KCNMB2: variants seen among roughly 807,000 people sequenced by gnomAD.
The protein encoded by KCNMB2 is potassium calcium-activated channel subfamily M regulatory beta subunit 2, also known as calcium-activated potassium channel subunit beta-2.
Under a neutral mutation model 24.5 loss-of-function variants are expected in KCNMB2, and 9 were observed. The observed-to-expected ratio is 0.37, with a 90% confidence interval of 0.22 to 0.64. KCNMB2 has a LOEUF of 0.64. Ranked by LOEUF, KCNMB2 falls within the 30% of genes least tolerant of loss-of-function variation. KCNMB2 has a pLI of 0.63. For synonymous variants in KCNMB2, 109 were observed against 104.4 expected (o/e 1.04, Z -0.27); for missense variants, 226 against 284.3 (o/e 0.79, Z 1.47).
chr3:178,550,376 T>C (rs1338291429), intron 1 of KCNMB2, among the ~76,000 whole-genome samples: 2 of 138,108 alleles, frequency 1.4e-5, no homozygotes, highest in South Asian at 2.2e-4. Context: ...GAGAATGGCA[T>C]GAACCCGGGA....
intron 1 of KCNMB2, among the ~76,000 whole-genome samples, chr3:178,690,317 G>A (rs1418971500): frequency 2.0e-5 from 3 of 151,372 alleles, no homozygotes; most frequent in African/African-American, 7.3e-5. Context: ...CATAGTGCTA[G>A]GGCAAAAAAA....
chr3:178,700,914 C>T (rs13079247), intron 1 of KCNMB2, among the ~76,000 whole-genome samples: 47,899 of 152,048 alleles, frequency 0.32, 8,030 homozygotes, highest in African/African-American at 0.43. Context: ...GTTGCCTGTT[C>T]ACTCTGATGG....
At chr3:178,657,170 A>C (rs1376101308) in intron 1 of KCNMB2, among the ~76,000 whole-genome samples, 5 of 152,192 alleles carry the variant, frequency 3.3e-5, no homozygotes, top group African/African-American at 4.8e-5. Context: ...CTGACTCCAG[A>C]ACCCATATGT....
intron 1 of KCNMB2, among the ~76,000 whole-genome samples, chr3:178,724,294 T>C (rs537492590): frequency 6.6e-6 from 1 of 152,168 alleles, no homozygotes; most frequent in African/African-American, 2.4e-5. Flanking sequence ...TGTCGGCCAC[T>C]GGTATGTCTT....
chr3:178,840,230 C>T (rs1417087334), intron 4 of KCNMB2, among the ~76,000 whole-genome samples: 4 of 152,216 alleles, frequency 2.6e-5, no homozygotes, highest in Admixed American at 1.3e-4. Flanking sequence ...TCGGGGCACA[C>T]TGATGCAAGA....
At chr3:178,692,001 C>A (rs1293192259) in intron 1 of KCNMB2, among the ~76,000 whole-genome samples, 3 of 152,092 alleles carry the variant, frequency 2.0e-5, no homozygotes, top group Admixed American at 2.0e-4. Context: ...CTCTAATGGT[C>A]AATGATGTTG....
intron 1 of KCNMB2, among the ~76,000 whole-genome samples, chr3:178,577,250 G>C (rs1262151425): frequency 2.0e-5 from 3 of 152,170 alleles, no homozygotes; most frequent in Non-Finnish European, 4.4e-5. Flanking sequence ...ACCTTCAGCA[G>C]ATTACAGTAG....
intron 1 of KCNMB2, among the ~76,000 whole-genome samples, chr3:178,744,856 C>T (rs1723612168): frequency 6.6e-6 from 1 of 152,296 alleles, no homozygotes; most frequent in African/African-American, 2.4e-5. Flanking sequence ...TTTCTATTTG[C>T]CTGCTCTACA....
chr3:178,826,340 C>T (rs549623736), intron 3 of KCNMB2, among the ~76,000 whole-genome samples: 3 of 152,314 alleles, frequency 2.0e-5, no homozygotes, highest in Non-Finnish European at 2.9e-5. Context: ...ACCCAGTCAC[C>T]AGTATCTATT....
intron 2 of KCNMB2, among the ~76,000 whole-genome samples, chr3:178,818,035 T>G (rs1714475364): frequency 6.6e-6 from 1 of 152,100 alleles, no homozygotes; most frequent in South Asian, 2.1e-4. Context: ...TCAGATACAT[T>G]TAATTCTTCA....
chr3:178,592,462 T>C (rs1236041102), intron 1 of KCNMB2, among the ~76,000 whole-genome samples: 1 of 151,930 alleles, frequency 6.6e-6, no homozygotes, highest in Admixed American at 6.5e-5. Flanking sequence ...GATGCGTATG[T>C]GTAATGCATA....
At chr3:178,835,180 T>C (rs896419600) in intron 4 of KCNMB2, among the ~76,000 whole-genome samples, 9 of 151,744 alleles carry the variant, frequency 5.9e-5, no homozygotes, top group African/African-American at 2.2e-4. Flanking sequence ...TGTGGGCAAA[T>C]ACAGGAAAGG....
chr3:178,587,596 T>G (rs1240490933), intron 1 of KCNMB2, among the ~76,000 whole-genome samples: 20 of 130,138 alleles, frequency 1.5e-4, no homozygotes, highest in African/African-American at 5.9e-4. Flanking sequence ...GCTAATTTTT[T>G]GGGTGGTTTT....
intron 1 of KCNMB2, among the ~76,000 whole-genome samples, chr3:178,776,877 C>T (rs987777935): frequency 2.2e-4 from 33 of 152,150 alleles, no homozygotes; most frequent in Admixed American, 1.3e-3. Context: ...CTCTACTTGC[C>T]GGTTTTGAGC....
intron 1 of KCNMB2, among the ~76,000 whole-genome samples, chr3:178,669,862 C>T (rs1720841260): frequency 6.6e-6 from 1 of 151,664 alleles, no homozygotes; most frequent in Admixed American, 6.6e-5. Flanking sequence ...CAGAGGGATC[C>T]CCTGTCCCAA....
chr3:178,807,530 T>C lies in KCNMB2; in HGVS notation c.56+65T>C, dbSNP rs370258513. On this transcript the variant is annotated intron_variant, in intron 2 of 4. Transcript: ENST00000452583. ...TAACCTGACTCTCCAAAGAGGATAC[T>C]GACAGGAAAGTAGTAGGCAACTGAG... 2.6e-4 allele frequency: 363 copies of C among 1,393,602 alleles called. 2 individuals carry two copies. In the African/African-American group the frequency reaches 4.7e-3, roughly 18 times the overall value. The allele number at this position is 1,393,602 out of a possible 1,614,324, so 86.3% of individuals were successfully genotyped here. A position where few individuals can be genotyped will look rare whatever the true frequency, so the allele number is the denominator to read the frequency against.
At chr3:178,684,098 C>T (rs906288084) in intron 1 of KCNMB2, among the ~76,000 whole-genome samples, 3 of 152,036 alleles carry the variant, frequency 2.0e-5, no homozygotes, top group Non-Finnish European at 4.4e-5. Flanking sequence ...TGGACACAAC[C>T]TGAGTGTCCA....
chr3:178,693,069 G>T (rs1721743754), intron 1 of KCNMB2, among the ~76,000 whole-genome samples: 1 of 152,128 alleles, frequency 6.6e-6, no homozygotes, highest in Admixed American at 6.5e-5. Flanking sequence ...CTGGTGTATA[G>T]AAATGCTCAT....
intron 2 of KCNMB2, among the ~76,000 whole-genome samples, chr3:178,809,407 T>C (rs1231349182): frequency 6.6e-6 from 1 of 152,180 alleles, no homozygotes; most frequent in Non-Finnish European, 1.5e-5. Flanking sequence ...GTACTGTAGG[T>C]TTTAATTGTG....
Sources: gnomAD v4.1 joint callset for allele counts (sites outside exome capture counted in the v4.1 genomes callset) on GRCh38, gnomAD v4.1.1 for gene constraint, MANE v1.5 for transcripts, NCBI Gene and HGNC (gene_info 2026-07-23, HGNC 2026-07-21) for gene names.